Variants in NCOR1 observed in about 807,000 individuals in gnomAD.
The protein encoded by NCOR1 is protein phosphatase 1, regulatory subunit 109.
NCOR1 carries 63 observed loss-of-function variants against 288.1 expected under a neutral mutation model. That is an observed-to-expected ratio of 0.22 (90% CI 0.18 to 0.27). The LOEUF is 0.27. NCOR1 is among the 10% of genes least tolerant of loss of function. The pLI, the probability that NCOR1 is intolerant of heterozygous loss-of-function variation, is 1.00. For synonymous variants in NCOR1, 1,007 were observed against 1,065.9 expected (o/e 0.94, Z 1.08); for missense variants, 2,397 against 3,019.2 (o/e 0.79, Z 4.83).
chr17:16,098,448 A>G lies in NCOR1; in HGVS notation c.2739T>C (p.Ser913=), dbSNP rs1025161563. The part of the protein sequence containing the change: ...SKPSLLNPTG[S]ILVSSPLKPN... ...GTTTTAACGGAGATGAGACGAGTATAGATCCAGTGGGGTTTAACAGTGAAG... is the reference window on the plus strand; with the variant it reads ...GTTTTAACGGAGATGAGACGAGTATGGATCCAGTGGGGTTTAACAGTGAAG... The change falls in exon 21 of 46, where the codon TCT becomes TCC. Residue 913 remains serine, a synonymous_variant. Transcript: ENST00000268712. 4 of 1,613,880 alleles carry G rather than the reference A, an allele frequency of 2.5e-6. No individual in the cohort carries two copies. The highest frequency in any genetic ancestry group is 2.5e-6 in the Non-Finnish European group (3 of 1,179,874).
At chr17:16,164,798 C>G in intron 5 of NCOR1, 181 bp downstream of exon 5, 1 of 438,618 alleles carries the variant, frequency 2.3e-6, no homozygotes, top group East Asian at 3.8e-5. Context: ...TATAATCAGA[C>G]AGTGCAGCAA....
intron 1 of NCOR1, among the ~76,000 whole-genome samples, chr17:16,199,720 G>T (rs1253885413): frequency 6.6e-6 from 1 of 152,054 alleles, no homozygotes; most frequent in African/African-American, 2.4e-5. Context: ...ATTAACTCAG[G>T]GTAGTTACAT....
chr17:16,214,923 T>C (rs754080273), intron 1 of NCOR1, among the ~76,000 whole-genome samples: 3 of 152,242 alleles, frequency 2.0e-5, no homozygotes, highest in Non-Finnish European at 4.4e-5. Context: ...CACTTGTCCA[T>C]GGCTGTCAAC....
chr17:16,076,847 C>T (rs962174390), intron 26 of NCOR1, among the ~76,000 whole-genome samples: 3 of 152,156 alleles, frequency 2.0e-5, no homozygotes, highest in Admixed American at 6.5e-5. Context: ...CCGGCAAAAC[C>T]ATTACATATG....
chr17:16,039,252 G>T (rs1423789549), intron 44 of NCOR1, 181 bp downstream of exon 44: 1 of 615,446 alleles, frequency 1.6e-6, no homozygotes, highest in South Asian at 2.1e-5. Context: ...TTTTATTTCT[G>T]TTCATATTAT....
intron 11 of NCOR1, among the ~76,000 whole-genome samples, chr17:16,140,811 CTCAA>C (rs1456214600): frequency 2.5e-5 from 3 of 119,776 alleles, no homozygotes; most frequent in Admixed American, 1.7e-4. Flanking sequence ...GAGACGCCAT[CTCAA>C]ACAAACAAAC....
At chr17:16,194,669 G>C in intron 1 of NCOR1, 30 bp from the exon 2 acceptor site, 2 of 654,914 alleles carry the variant, frequency 3.1e-6, no homozygotes, top group Admixed American at 2.6e-5. Flanking sequence ...AACAGAATTA[G>C]TAAGAACTAA....
chr17:16,042,765 A>G (rs1387267059), intron 42 of NCOR1, among the ~76,000 whole-genome samples: 1 of 152,288 alleles, frequency 6.6e-6, no homozygotes, highest in East Asian at 1.9e-4. Context: ...GGGAAGGAGG[A>G]GGAACTTTTT....
chr17:16,048,627 A>G (rs1320057308), intron 41 of NCOR1, among the ~76,000 whole-genome samples: 1 of 152,176 alleles, frequency 6.6e-6, no homozygotes, highest in Non-Finnish European at 1.5e-5. Context: ...TAATGAACAA[A>G]TATTTTCTAA....
chr17:16,167,922 A>G (rs1853947663), intron 4 of NCOR1, among the ~76,000 whole-genome samples: 1 of 151,842 alleles, frequency 6.6e-6, no homozygotes, highest in Non-Finnish European at 1.5e-5. Flanking sequence ...CAAAACAGTA[A>G]TAACAAATTA....
chr17:16,184,839 TAAAG>T (rs2153519636), intron 3 of NCOR1, among the ~76,000 whole-genome samples: 1 of 151,870 alleles, frequency 6.6e-6, no homozygotes, highest in South Asian at 2.1e-4. Flanking sequence ...GAATGAATCA[TAAAG>T]AAACTGTGGT....
At chr17:16,185,495 T>G (rs2086458294) in intron 3 of NCOR1, among the ~76,000 whole-genome samples, 1 of 151,422 alleles carries the variant, frequency 6.6e-6, no homozygotes, top group African/African-American at 2.4e-5. Flanking sequence ...ACCAGCCTGG[T>G]CAACACGGCA....
rs551770695 is a variant in NCOR1 at position 16,066,141 on chromosome 17, C to A, written c.4742-447G>T. ...ATAGACTATAAGCATTTAATTAGTC[C>A]ATGTGTTTGGAGCAGAGATTGGCAA... On this transcript the variant is annotated intron_variant, in intron 32 of 45. Coordinates refer to ENST00000268712, the MANE Select transcript of NCOR1 (RefSeq NM_006311.4). Among the ~76,000 whole-genome samples the A allele has an allele frequency of 1.5e-4, 23 of 152,238 alleles. No homozygotes were observed. The South Asian group carries it at 4.8e-3, about 32-fold the overall frequency.
At chr17:16,202,673 T>C (rs1011809460) in intron 1 of NCOR1, among the ~76,000 whole-genome samples, 2 of 152,180 alleles carry the variant, frequency 1.3e-5, no homozygotes, top group African/African-American at 4.8e-5. Flanking sequence ...CTATTATCTC[T>C]AAGGCTGTAG....
At position 16,194,475 on chromosome 17, in the gene NCOR1, G is replaced by A. The variant is rs1258611404; in HGVS notation, c.95C>T (p.Thr32Ile). ...TCTGTTCCTTACCTGCTGGTGGCGG[G>A]TGTTGGGAAATGTATACTGGACAGA... ...PHSVQYTFPN[T>I]RHQQEFAVPD... The change falls in exon 2 of 46, where the codon ACC becomes ATC. Residue 32 changes from threonine to isoleucine, a missense_variant. Thr to Ile is a moderately conservative substitution (Grantham distance 89, BLOSUM62 -1). Around this residue, in one of 11 missense-constraint regions of NCOR1, gnomAD observed 55 missense variants for 69.6 expected, o/e 0.79. Coordinates refer to ENST00000268712, the MANE Select transcript of NCOR1 (RefSeq NM_006311.4). 5.0e-6 allele frequency: 8 copies of A among 1,604,260 alleles called. No individual in the cohort carries two copies. Among genetic ancestry groups the A allele is most frequent in the African/African-American group, 1.3e-5 (1 of 74,846 alleles).
chr17:16,149,513 G>T lies in NCOR1; in HGVS notation c.847C>A (p.Gln283Lys). The stretch of plus-strand genomic sequence containing the variant: ...AAAATGAGTTTTTTCCTCATCACCT[G>T]GTTTCTAGAAGAGAAAAATATGGTT... The part of the protein sequence containing the change: ...KVYHENIKTN[Q>K]VMRKKLILFF... Residue 283 changes from glutamine to lysine, a missense_variant, in exon 9 of 46, where the codon CAG becomes AAG. Transcript: ENST00000268712. 1.3e-6 allele frequency: 2 copies of T among 1,506,744 alleles called. No homozygotes were observed. The highest frequency in any genetic ancestry group is 1.8e-6 in the Non-Finnish European group (2 of 1,103,850). The allele number at this position is 1,506,744 out of a possible 1,614,324, so 93.3% of individuals were successfully genotyped here. A position where few individuals can be genotyped will look rare whatever the true frequency, so the allele number is the denominator to read the frequency against.
intron 2 of NCOR1, among the ~76,000 whole-genome samples, chr17:16,189,149 A>T (rs1394365843): frequency 3.1e-5 from 4 of 127,100 alleles, no homozygotes; most frequent in Admixed American, 2.4e-4. Context: ...ATCTTAGCAC[A>T]TTGGGAGGCC....
intron 2 of NCOR1, among the ~76,000 whole-genome samples, chr17:16,193,403 T>C (rs1199656228): frequency 2.0e-5 from 3 of 152,040 alleles, no homozygotes; most frequent in Non-Finnish European, 2.9e-5. Flanking sequence ...GCTACTTTTT[T>C]CGTATTTTTA....
At position 16,192,837 on chromosome 17, in the gene NCOR1, T is replaced by A. The variant is rs193157646; in HGVS notation, c.108+1625A>T. On this transcript the variant is annotated intron_variant, in intron 2 of 45. Transcript: ENST00000268712. ...TGGAATAGGTGATTGGATAAACAAATTGTGGTATACCCATACTCAACAATA... is the reference window on the plus strand; with the variant it reads ...TGGAATAGGTGATTGGATAAACAAAATGTGGTATACCCATACTCAACAATA... 4.6e-3 allele frequency among the ~76,000 whole-genome samples: 704 copies of A among 152,252 alleles called. 5 individuals carry two copies. Among genetic ancestry groups the A allele is most frequent in the African/African-American group, 0.016 (664 of 41,536 alleles).
Sources: allele counts gnomAD v4.1 joint callset (sites outside exome capture counted in the v4.1 genomes callset), GRCh38; gene constraint gnomAD v4.1.1; regional missense constraint gnomAD v4.1.1; transcripts MANE v1.5; gene names NCBI Gene and HGNC (gene_info 2026-07-23, HGNC 2026-07-21).